Variants in CTNNA2 observed in about 807,000 individuals in gnomAD.
CTNNA2 encodes catenin alpha-2.
Under a neutral mutation model 101.0 loss-of-function variants are expected in CTNNA2, and 42 were observed. The observed-to-expected ratio is 0.42, with a 90% CI of 0.32 to 0.54. The LOEUF (loss-of-function observed/expected upper bound fraction) is 0.54. Among genes scored for constraint, CTNNA2 ranks in the 20% least tolerant of loss-of-function variants. The pLI is 0.14. For missense variants in CTNNA2, 871 were observed against 1,223.1 expected, an observed-to-expected ratio of 0.71 and a Z score of 4.29; for synonymous variants, 450 against 456.4, an observed-to-expected ratio of 0.99 and a Z score of 0.18.
At chr2:79,906,600 A>C (rs752677664) in intron 6 of CTNNA2, among the ~76,000 whole-genome samples, 1 of 152,162 alleles carries the variant, frequency 6.6e-6, no homozygotes, top group Non-Finnish European at 1.5e-5. Context: ...GGATAGTGTA[A>C]CTTTTATGCA....
chr2:80,348,081 T>A (rs998568124), intron 7 of CTNNA2, among the ~76,000 whole-genome samples: 1 of 152,124 alleles, frequency 6.6e-6, no homozygotes, highest in South Asian at 2.1e-4. Flanking sequence ...CCAGAATGCA[T>A]CTCAGGCACA....
chr2:79,521,105 CTG>C, intron 1 of CTNNA2, among the ~76,000 whole-genome samples: 1 of 82,710 alleles, frequency 1.2e-5, no homozygotes. Context: ...AACAAAGCTG[CTG>C]ATATATATAT....
intron 7 of CTNNA2, among the ~76,000 whole-genome samples, chr2:80,094,581 A>G (rs1293317623): frequency 6.6e-6 from 1 of 152,114 alleles, no homozygotes; most frequent in Admixed American, 6.5e-5. Context: ...CATTGAATCT[A>G]TAAATTACCT....
intron 3 of CTNNA2, among the ~76,000 whole-genome samples, chr2:79,819,267 C>T (rs192870651): frequency 1.3e-5 from 2 of 152,180 alleles, no homozygotes; most frequent in Non-Finnish European, 1.5e-5. Context: ...GCACGAGCCA[C>T]CATGCCCAGC....
intron 7 of CTNNA2, among the ~76,000 whole-genome samples, chr2:80,200,473 A>G (rs1017344607): frequency 6.6e-6 from 1 of 152,108 alleles, no homozygotes; most frequent in African/African-American, 2.4e-5. Flanking sequence ...GTGTATATGT[A>G]TACATTTGTA....
At chr2:79,665,262 G>A (rs1682333474) in intron 2 of CTNNA2, among the ~76,000 whole-genome samples, 1 of 152,058 alleles carries the variant, frequency 6.6e-6, no homozygotes, top group African/African-American at 2.4e-5. Flanking sequence ...AACTGGGCGT[G>A]GTCTCTGCTC....
At chr2:80,424,522 A>G (rs72914935) in intron 9 of CTNNA2, among the ~76,000 whole-genome samples, 7,111 of 152,212 alleles carry the variant, frequency 0.047, 560 homozygotes, top group African/African-American at 0.16. Context: ...GGGTCTGGAT[A>G]ATGTGTTCTC....
intron 7 of CTNNA2, among the ~76,000 whole-genome samples, chr2:79,962,083 G>T (rs1689679683): frequency 6.6e-6 from 1 of 152,232 alleles, no homozygotes; most frequent in African/African-American, 2.4e-5. Context: ...AGCCACTGAG[G>T]CCTTAAATCA....
chr2:79,927,855 G>A (rs1443517764), intron 7 of CTNNA2, among the ~76,000 whole-genome samples: 2 of 152,064 alleles, frequency 1.3e-5, no homozygotes, highest in African/African-American at 2.4e-5. Flanking sequence ...CTGGGTTTGG[G>A]TCTCACATTC....
At chr2:80,019,912 C>T (rs768632379) in intron 7 of CTNNA2, among the ~76,000 whole-genome samples, 3 of 152,104 alleles carry the variant, frequency 2.0e-5, no homozygotes, top group Non-Finnish European at 4.4e-5. Context: ...GACATTTAGA[C>T]CCCTGTAGTT....
intron 1 of CTNNA2, among the ~76,000 whole-genome samples, chr2:79,585,173 A>G (rs1359391754): frequency 6.6e-6 from 1 of 152,042 alleles, no homozygotes; most frequent in African/African-American, 2.4e-5. Flanking sequence ...TTTCTTCTGT[A>G]TATATAAAAT....
chr2:79,568,177 G>A (rs959138062), intron 1 of CTNNA2, among the ~76,000 whole-genome samples: 8 of 152,132 alleles, frequency 5.3e-5, no homozygotes, highest in Admixed American at 5.2e-4. Context: ...CACATCGTAA[G>A]TGCTAAATAA....
At chr2:79,334,012 T>C (rs916575667) in intron 3 of CTNNA2, among the ~76,000 whole-genome samples, 1 of 152,222 alleles carries the variant, frequency 6.6e-6, no homozygotes, top group Admixed American at 6.5e-5. Flanking sequence ...GATACATTTA[T>C]ACAATGTGTA....
At chr2:80,054,187 G>A (rs1013748244) in intron 7 of CTNNA2, among the ~76,000 whole-genome samples, 2 of 152,174 alleles carry the variant, frequency 1.3e-5, no homozygotes, top group Non-Finnish European at 2.9e-5. Context: ...CGACCTTGCT[G>A]GCTATGTCCT....
intron 9 of CTNNA2, among the ~76,000 whole-genome samples, chr2:80,526,103 G>A (rs1559182692): frequency 2.0e-5 from 3 of 152,198 alleles, no homozygotes; most frequent in Non-Finnish European, 4.4e-5. Context: ...TCTAGAATGT[G>A]CTTTGAAGTT....
intron 7 of CTNNA2, among the ~76,000 whole-genome samples, chr2:79,980,048 CTT>C (rs1355326218): frequency 5.3e-5 from 8 of 152,166 alleles, no homozygotes; most frequent in African/African-American, 1.9e-4. Context: ...CTTATTCAAA[CTT>C]AATGAACACC....
chr2:79,956,847 T>G (rs1191304307), intron 7 of CTNNA2, among the ~76,000 whole-genome samples: 6 of 29,412 alleles, frequency 2.0e-4, no homozygotes, highest in African/African-American at 4.6e-4. Flanking sequence ...GTGTGGGTTT[T>G]TTTTTTTTTT....
At position 79,922,033 on chromosome 2, in the gene CTNNA2, A is replaced by G. The variant is rs180942488; in HGVS notation, c.1056+12236A>G. ...AGGATTCTCCTGCCTCCAGTCCTGC[A>G]CCAGCCTTGGACTATGCCAGTATTG... is the stretch of plus-strand genomic sequence containing the variant. On this transcript the variant is annotated intron_variant, in intron 7 of 18. Coordinates refer to ENST00000402739, the MANE Select transcript of CTNNA2 (RefSeq NM_001282597.3). 3.2e-3 allele frequency among the ~76,000 whole-genome samples: 482 copies of G among 152,328 alleles called. 2 individuals carry two copies. Among genetic ancestry groups the G allele is most frequent in the African/African-American group, 0.01 (433 of 41,586 alleles).
chr2:80,199,286 A>G (rs961718751), intron 7 of CTNNA2, among the ~76,000 whole-genome samples: 1 of 151,372 alleles, frequency 6.6e-6, no homozygotes, highest in Non-Finnish European at 1.5e-5. Context: ...ACTGCCATAT[A>G]TTTTCAATTG....
Sources: gnomAD v4.1 joint callset for allele counts (sites outside exome capture counted in the v4.1 genomes callset) on GRCh38, gnomAD v4.1.1 for gene constraint, MANE v1.5 for transcripts, NCBI Gene and HGNC (gene_info 2026-07-23, HGNC 2026-07-21) for gene names.